SLC12A8: variants seen among roughly 807,000 people sequenced by gnomAD.
SLC12A8 encodes the protein cation-chloride cotransporter 9.
SLC12A8 carries 69 observed loss-of-function variants against 75.6 expected under a neutral mutation model. The observed-to-expected ratio is 0.91, with a 90% CI of 0.75 to 1.11. SLC12A8 has a LOEUF of 1.11. Among genes scored for constraint, SLC12A8 ranks in the 50% most tolerant of loss-of-function variants. The probability of loss-of-function intolerance (pLI) is 0.00; values close to 1 mark genes in which losing one functional copy is unlikely to be tolerated. For synonymous variants in SLC12A8, 365 were observed against 372.8 expected, an observed-to-expected ratio of 0.98 and a Z score of 0.24; for missense variants, 877 against 896.7, an observed-to-expected ratio of 0.98 and a Z score of 0.28.
Position 125,120,616 on chromosome 3 carries a change from C to T in SLC12A8, c.807G>A (p.Leu269=), listed in dbSNP as rs767345385. 1.2e-6 allele frequency: 2 copies of T among 1,613,498 alleles called. No individual in the cohort carries two copies. Among genetic ancestry groups the T allele is most frequent in the African/African-American group, 2.7e-5 (2 of 74,900 alleles). Residue 269 remains leucine (L), a synonymous_variant, in exon 7 of 14, where the codon CTG becomes CTA. Transcript: ENST00000469902. The part of the protein sequence containing the change: ...EPAASIPLGS[L]AAVGISWFLY... The stretch of plus-strand genomic sequence containing the variant: ...GAACTTACGAGATGCCAACAGCTGC[C>T]AGGGAGCCCAGGGGAATGCTGGCGG...
intron 8 of SLC12A8, among the ~76,000 whole-genome samples, chr3:125,115,898 G>A (rs1004047652): frequency 1.3e-5 from 2 of 152,190 alleles, no homozygotes; most frequent in African/African-American, 4.8e-5. Context: ...GAAGCCACAA[G>A]TAAGACAGGA....
chr3:125,174,609 A>T (rs1934480903), intron 5 of SLC12A8, among the ~76,000 whole-genome samples: 2 of 152,258 alleles, frequency 1.3e-5, no homozygotes, highest in Non-Finnish European at 2.9e-5. Flanking sequence ...ATGGACAAAC[A>T]GTGCTACATC....
intron 5 of SLC12A8, among the ~76,000 whole-genome samples, chr3:125,167,527 C>T (rs1196190969): frequency 1.3e-5 from 2 of 152,312 alleles, no homozygotes; most frequent in East Asian, 1.9e-4. Context: ...TATAGCCCCT[C>T]ACCCAAAGGA....
chr3:125,086,555 C>CCA (rs1938465442), intron 13 of SLC12A8, among the ~76,000 whole-genome samples: 1 of 152,148 alleles, frequency 6.6e-6, no homozygotes, highest in Non-Finnish European at 1.5e-5. Flanking sequence ...ATAGTCTCAC[C>CCA]CACACACCAC....
chr3:125,166,530 G>C (rs772579782), intron 5 of SLC12A8, among the ~76,000 whole-genome samples: 4 of 152,154 alleles, frequency 2.6e-5, no homozygotes, highest in Non-Finnish European at 4.4e-5. Flanking sequence ...GGCAGACAAG[G>C]CCTCTGCGTC....
intron 5 of SLC12A8, among the ~76,000 whole-genome samples, chr3:125,149,511 C>G (rs1477191823): frequency 1.3e-5 from 2 of 152,174 alleles, no homozygotes; most frequent in Admixed American, 1.3e-4. Flanking sequence ...TGGATCCAAA[C>G]AATCAAGGAA....
intron 5 of SLC12A8, among the ~76,000 whole-genome samples, chr3:125,148,913 T>C (rs976211096): frequency 1.3e-5 from 2 of 152,138 alleles, no homozygotes; most frequent in Non-Finnish European, 2.9e-5. Flanking sequence ...AATCTGCAAA[T>C]TCCCCACAGC....
intron 10 of SLC12A8, among the ~76,000 whole-genome samples, chr3:125,102,096 T>C (rs1299947679): frequency 2.0e-5 from 3 of 152,200 alleles, no homozygotes; most frequent in South Asian, 2.1e-4. Context: ...TATGAGATAA[T>C]AGTTTATATT....
chr3:125,189,134 C>T (rs1319428275), intron 3 of SLC12A8, among the ~76,000 whole-genome samples: 1 of 152,196 alleles, frequency 6.6e-6, no homozygotes, highest in African/African-American at 2.4e-5. Context: ...AGATTACCCT[C>T]CATAGTATGG....
chr3:125,172,320 C>A (rs1389632488), intron 5 of SLC12A8, among the ~76,000 whole-genome samples: 2 of 149,122 alleles, frequency 1.3e-5, no homozygotes, highest in Non-Finnish European at 2.9e-5. Flanking sequence ...CTCTCTCCCT[C>A]TCCCTCTTTC....
At chr3:125,096,838 TTTG>T (rs143167563) in intron 10 of SLC12A8, among the ~76,000 whole-genome samples, 68,865 of 151,664 alleles carry the variant, frequency 0.45, 16,267 homozygotes, top group South Asian at 0.65. Context: ...AAATTGGTTA[TTTG>T]TTTAGTTTTG....
rs780292806 is a variant in SLC12A8, at chr3:125,100,342, T to G, written c.1705+7139A>C. ...TCTAGCAATGTGTACATACACCTAA[T>G]TATCACAAATCTGCTATTTTTATTT... is the stretch of plus-strand genomic sequence containing the variant. On this transcript the variant is annotated intron_variant, in intron 10 of 13. Transcript: ENST00000469902. 7.3e-4 allele frequency among the ~76,000 whole-genome samples: 111 copies of G among 152,188 alleles called. 1 individual carries two copies. The highest frequency in any genetic ancestry group is 2.5e-4 in the Non-Finnish European group (17 of 68,026).
At chr3:125,159,627 G>A (rs537921837) in intron 5 of SLC12A8, among the ~76,000 whole-genome samples, 1 of 152,016 alleles carries the variant, frequency 6.6e-6, no homozygotes, top group Non-Finnish European at 1.5e-5. Context: ...ATGGGTGTGA[G>A]AGATGGAGGC....
At chr3:125,114,862 G>A (rs904248262) in intron 8 of SLC12A8, among the ~76,000 whole-genome samples, 5 of 152,060 alleles carry the variant, frequency 3.3e-5, no homozygotes, top group African/African-American at 1.2e-4. Context: ...GACTGTATAC[G>A]AGTTTATTCT....
intron 3 of SLC12A8, 142 bp from the exon 4 acceptor site, chr3:125,187,570 A>C (rs1430137199): frequency 1.3e-4 from 94 of 723,026 alleles, no homozygotes; most frequent in Non-Finnish European, 9.4e-6. Context: ...GGACAACTAA[A>C]AAGGACAAAG....
intron 2 of SLC12A8, among the ~76,000 whole-genome samples, chr3:125,198,229 T>A (rs1233037346): frequency 4.2e-5 from 6 of 143,566 alleles, no homozygotes; most frequent in African/African-American, 1.3e-4. Flanking sequence ...CTGAGGACAT[T>A]CTACAAAATA....
chr3:125,158,956 A>T (rs1352948128), intron 5 of SLC12A8, among the ~76,000 whole-genome samples: 2 of 152,310 alleles, frequency 1.3e-5, no homozygotes, highest in East Asian at 3.9e-4. Context: ...CACTATTCAG[A>T]TTTCCACAAA....
At chr3:125,162,618 G>A (rs1038773132) in intron 5 of SLC12A8, among the ~76,000 whole-genome samples, 3 of 152,240 alleles carry the variant, frequency 2.0e-5, no homozygotes, top group Non-Finnish European at 1.5e-5. Context: ...TCACAGCCAA[G>A]TGGCAGGCGG....
chr3:125,129,519 C>T (rs1043110470), intron 6 of SLC12A8, among the ~76,000 whole-genome samples: 6 of 152,086 alleles, frequency 3.9e-5, no homozygotes, highest in Admixed American at 6.5e-5. Flanking sequence ...AGCACCAGAC[C>T]GAATCTCCAG....
Sources: gnomAD v4.1 joint callset for allele counts (sites outside exome capture counted in the v4.1 genomes callset) on GRCh38, gnomAD v4.1.1 for gene constraint, MANE v1.5 for transcripts, NCBI Gene and HGNC (gene_info 2026-07-23, HGNC 2026-07-21) for gene names.